LCP2: variants seen among roughly 807,000 people sequenced by gnomAD.
LCP2 encodes lymphocyte cytosolic protein 2.
In LCP2, 29 loss-of-function variants were observed where a neutral mutation model predicts 74.5. The ratio of observed to expected loss-of-function variants is 0.39; its 90% CI spans 0.29 to 0.53. The LOEUF (loss-of-function observed/expected upper bound fraction) is 0.53, where lower values mean the gene tolerates loss of function less well. Ranked by LOEUF, LCP2 falls within the 20% of genes least tolerant of loss-of-function variation. LCP2 has a pLI of 0.72. For missense variants in LCP2, 604 were observed against 634.6 expected (o/e 0.95, Z 0.52); for synonymous variants, 228 against 229.5 (o/e 0.99, Z 0.06).
At chr5:170,283,461 A>G (rs1436605666) in intron 3 of LCP2, among the ~76,000 whole-genome samples, 1 of 152,048 alleles carries the variant, frequency 6.6e-6, no homozygotes, top group Non-Finnish European at 1.5e-5. Flanking sequence ...AATCTCTTCC[A>G]TCCCCCCATC....
At chr5:170,270,518 C>T (rs909470115) in intron 7 of LCP2, 3 of 544,272 alleles carry the variant, frequency 5.5e-6, no homozygotes, top group African/African-American at 2.0e-5. Flanking sequence ...CATTTATTAT[C>T]CTATTTCACA....
intron 2 of LCP2, among the ~76,000 whole-genome samples, chr5:170,292,475 T>C (rs1762309369): frequency 6.6e-6 from 1 of 152,192 alleles, no homozygotes; most frequent in South Asian, 2.1e-4. Flanking sequence ...CTCTCTGGTC[T>C]CATCCAACTG....
At chr5:170,259,893 A>G (rs745930090) in intron 14 of LCP2, among the ~76,000 whole-genome samples, 3 of 152,060 alleles carry the variant, frequency 2.0e-5, no homozygotes, top group Admixed American at 1.3e-4. Context: ...AGAAAACACA[A>G]CTCCCAGATT....
At chr5:170,258,531 A>T in intron 15 of LCP2, 1 of 358,196 alleles carries the variant, frequency 2.8e-6, no homozygotes, top group East Asian at 4.4e-5. Flanking sequence ...ATGCTATCTC[A>T]TTCATTGGCA....
Position 170,250,644 on chromosome 5 carries a change from A to C in LCP2, c.1479+86T>G, listed in dbSNP as rs146059783. ...TTTAATCCTAAATTTGCCATACAGC[A>C]CGGACTCTCAAAGATCGCTCCATGA... On this transcript the variant is annotated intron_variant, in intron 20 of 20. Transcript: ENST00000046794. The C allele has an allele frequency of 4.7e-6, 5 of 1,055,536 alleles. No homozygotes were observed. The Admixed American group carries it at 8.9e-5, about 19-fold the overall frequency. 65.4% of individuals were successfully genotyped at this position (1,055,536 alleles called of 1,614,324 possible).
At chr5:170,294,400 G>A (rs1762337070) in intron 1 of LCP2, among the ~76,000 whole-genome samples, 1 of 152,146 alleles carries the variant, frequency 6.6e-6, no homozygotes, top group South Asian at 2.1e-4. Context: ...AGACCAATCA[G>A]CAATCATATG....
At chr5:170,279,637 C>G (rs545546831) in intron 3 of LCP2, among the ~76,000 whole-genome samples, 2 of 152,282 alleles carry the variant, frequency 1.3e-5, no homozygotes, top group East Asian at 1.9e-4. Flanking sequence ...CCGGCCCCCA[C>G]GTGATTTTTA....
At position 170,256,531 on chromosome 5, in the gene LCP2, G is replaced by T; in HGVS notation, c.1145C>A (p.Ser382Tyr). ...CAAAAGCCCAGAGTACAAACCTTGA[G>T]AGAAGTATGGTGGCAGGGAGGCACT... ...PQSASLPPYF[S>Y]QGPSNRPPIR... Residue 382 changes from serine to tyrosine, a missense_variant, in exon 17 of 21, where the codon TCT becomes TAT. Physicochemically the swap from Ser to Tyr is moderately radical, Grantham distance 144. Transcript: ENST00000046794. This position sits in a 1 kb window ranked among gnomAD's most constrained non-coding sequence, Gnocchi z 4.5. 2 of 1,612,874 alleles carry T rather than the reference G, an allele frequency of 1.2e-6. No homozygotes were observed. Among genetic ancestry groups the T allele is most frequent in the South Asian group, 1.1e-5 (1 of 91,052 alleles).
chr5:170,275,752 G>T lies in LCP2; in HGVS notation c.254+43C>A, dbSNP rs531189506. On this transcript the variant is annotated intron_variant, in intron 4 of 20. Transcript: ENST00000046794. ...GTGCCTCCCTTTTAAGGTTCAACTC[G>T]GGACTGAAAAATCTTGCGTTTCCTT... 1.2e-5 allele frequency: 18 copies of T among 1,500,766 alleles called. No individual in the cohort carries two copies. The African/African-American group carries it at 2.1e-4, about 17-fold the overall frequency. The allele number at this position is 1,500,766 out of a possible 1,614,324, so 93.0% of individuals were successfully genotyped here. A position where few individuals can be genotyped will look rare whatever the true frequency, so the allele number is the denominator to read the frequency against.
chr5:170,262,669 T>C lies in LCP2; in HGVS notation c.892A>G (p.Ser298Gly). ...PPTTERHERSSPLPGKKPPVP... is the reference protein window; with the variant it reads ...PPTTERHERSGPLPGKKPPVP... ...GGTGGCTTCTTCCCTGGCAGGGGGC[T>C]GCTCCTTTCATGTCTTTCCGTGGTC... The change falls in exon 13 of 21, where the codon AGC (serine) becomes GGC (glycine). Residue 298 changes from serine (S) to glycine (G), a missense_variant. Physicochemically the swap from Ser to Gly is moderately conservative, Grantham distance 56. Coordinates refer to ENST00000046794, the MANE Select transcript of LCP2 (RefSeq NM_005565.5). 1 of 1,613,982 alleles carries C rather than the reference T, an allele frequency of 6.2e-7. No homozygotes were observed. The highest frequency in any genetic ancestry group is 8.5e-7 in the Non-Finnish European group (1 of 1,179,860).
chr5:170,283,385 A>G (rs1762135295), intron 3 of LCP2, among the ~76,000 whole-genome samples: 1 of 152,208 alleles, frequency 6.6e-6, no homozygotes, highest in Non-Finnish European at 1.5e-5. Context: ...CTTAGCCTTA[A>G]GATGAAAAAG....
chr5:170,284,707 T>C (rs982661852), intron 3 of LCP2, among the ~76,000 whole-genome samples: 1 of 152,090 alleles, frequency 6.6e-6, no homozygotes. Flanking sequence ...TTAGGGACTT[T>C]AGATATATAT....
intron 3 of LCP2, among the ~76,000 whole-genome samples, chr5:170,283,754 C>G (rs913243946): frequency 6.6e-6 from 1 of 152,200 alleles, no homozygotes; most frequent in South Asian, 2.1e-4. Flanking sequence ...GCCCCAGCTG[C>G]TCTGCCCCAC....
In LCP2 at chr5:170,246,516, TCC is replaced by T. The variant is rs1761298413; in HGVS notation, c.*2179_*2180del. ...ACATAGTTGGAATAGATTTCAGGGA[TCC>T]CACTAATTTGTCCATACTTTTACTG... On this transcript the variant is annotated 3_prime_UTR_variant, in exon 21 of 21. Transcript: ENST00000046794. 3 of 159,296 alleles carry T rather than the reference TCC, an allele frequency of 1.9e-5. No homozygotes were observed. The highest frequency in any genetic ancestry group is 1.8e-4 in the Admixed American group (3 of 16,358). 9.9% of individuals were successfully genotyped at this position (159,296 alleles called of 1,614,324 possible). A position where few individuals can be genotyped will look rare whatever the true frequency, so the allele number is the denominator to read the frequency against.
intron 1 of LCP2, among the ~76,000 whole-genome samples, chr5:170,295,829 CA>C (rs1762369732): frequency 6.6e-6 from 1 of 152,130 alleles, no homozygotes; most frequent in South Asian, 2.1e-4. Flanking sequence ...CCATTTATGG[CA>C]GAAGAAGGAA....
intron 2 of LCP2, among the ~76,000 whole-genome samples, chr5:170,292,269 C>T (rs1360228762): frequency 6.6e-6 from 1 of 152,088 alleles, no homozygotes; most frequent in African/African-American, 2.4e-5. Context: ...TTACATGGCA[C>T]CTGGAAGCAA....
chr5:170,273,816 C>G (rs1761937332), intron 6 of LCP2: 1 of 157,078 alleles, frequency 6.4e-6, no homozygotes, highest in African/African-American at 2.4e-5. Flanking sequence ...TCAGGGCCAA[C>G]AGTTGGTTCT....
intron 3 of LCP2, among the ~76,000 whole-genome samples, chr5:170,276,396 A>G (rs971750292): frequency 6.6e-6 from 1 of 151,970 alleles, no homozygotes; most frequent in Non-Finnish European, 1.5e-5. Flanking sequence ...TTCTCCTTCC[A>G]TCTTCCCCTC....
At chr5:170,295,404 C>A (rs1232870799) in intron 1 of LCP2, among the ~76,000 whole-genome samples, 2 of 152,244 alleles carry the variant, frequency 1.3e-5, no homozygotes, top group Non-Finnish European at 2.9e-5. Flanking sequence ...TTGCACACAT[C>A]ATTTGCTTTA....
Sources: allele counts gnomAD v4.1 joint callset (sites outside exome capture counted in the v4.1 genomes callset), GRCh38; gene constraint gnomAD v4.1.1; non-coding constraint Gnocchi (gnomAD v3.1); transcripts MANE v1.5; gene names NCBI Gene and HGNC (gene_info 2026-07-23, HGNC 2026-07-21).